Variants in PCDHGA2 observed in about 807,000 individuals in gnomAD.
The protein encoded by PCDHGA2 is protocadherin gamma-A2.
In PCDHGA2, 40 loss-of-function variants were observed where a neutral mutation model predicts 59.2. The ratio of observed to expected loss-of-function variants is 0.68; its 90% CI spans 0.52 to 0.88. The LOEUF is 0.88. Among genes scored for constraint, PCDHGA2 ranks in the 40% least tolerant of loss-of-function variants. The pLI, the probability that PCDHGA2 is intolerant of heterozygous loss-of-function variation, is 0.00. For synonymous variants in PCDHGA2, 560 were observed against 526.0 expected, an observed-to-expected ratio of 1.06 and a Z score of -0.89; for missense variants, 1,226 against 1,204.0, an observed-to-expected ratio of 1.02 and a Z score of -0.27.
chr5:141,494,712 C>T, intron 1 of PCDHGA2, 95 bp from the exon 2 acceptor site: 1 of 1,603,048 alleles, frequency 6.2e-7, no homozygotes, highest in Non-Finnish European at 8.5e-7. Context: ...TCTGTGCCCA[C>T]TCCCCTCCTT....
At chr5:141,355,261 G>A (rs748036295) in intron 1 of PCDHGA2, 4 of 1,613,564 alleles carry the variant, frequency 2.5e-6, no homozygotes, top group Non-Finnish European at 3.4e-6. Context: ...CCTTCTCCTG[G>A]GGGTTCTGGT....
rs971610218 is a variant in PCDHGA2, at chr5:141,400,979, C to T, written c.2424+59584C>T. Among the ~76,000 whole-genome samples, 10 of 152,258 alleles carry T rather than the reference C, an allele frequency of 6.6e-5. No individual in the cohort carries two copies. The East Asian group carries it at 9.6e-4, about 15-fold the overall frequency. ...GTAGTTTTCATCTCTTTCTTATGTT[C>T]CTCATATATGCTTTCTTATTCCTAC... On this transcript the variant is annotated intron_variant, in intron 1 of 3. Transcript: ENST00000394576.
chr5:141,364,281 A>T, intron 1 of PCDHGA2: 2 of 1,516,544 alleles, frequency 1.3e-6, no homozygotes, highest in South Asian at 2.7e-5. Context: ...ATAAATAAGG[A>T]AACAGCAGGC....
At chr5:141,374,898 G>T in intron 1 of PCDHGA2, 3 of 1,613,794 alleles carry the variant, frequency 1.9e-6, no homozygotes, top group Non-Finnish European at 2.5e-6. Context: ...CAGGATGAAG[G>T]AGTCCACGGG....
chr5:141,353,282 T>G (rs1759236412), intron 1 of PCDHGA2, among the ~76,000 whole-genome samples: 1 of 152,194 alleles, frequency 6.6e-6, no homozygotes. Flanking sequence ...TTCAAGTCAT[T>G]TTATTCTTAG....
chr5:141,352,097 T>G (rs761063437), intron 1 of PCDHGA2: 2 of 1,605,974 alleles, frequency 1.2e-6, no homozygotes, highest in Admixed American at 1.7e-5. Flanking sequence ...GCCCGGGCTC[T>G]TCAGCCTGGG....
chr5:141,507,287 C>G (rs79707942), intron 3 of PCDHGA2: 1 of 148,974 alleles, frequency 6.7e-6, no homozygotes, highest in East Asian at 1.9e-4. Context: ...AAGTCAGTCT[C>G]AAATGTTGCA....
At chr5:141,356,062 A>C in intron 1 of PCDHGA2, 1 of 1,613,922 alleles carries the variant, frequency 6.2e-7, no homozygotes, top group Non-Finnish European at 8.5e-7. Flanking sequence ...AAGAGACAAA[A>C]TATCACAGCT....
intron 1 of PCDHGA2, chr5:141,418,120 G>A: frequency 6.2e-7 from 1 of 1,614,084 alleles, no homozygotes; most frequent in Non-Finnish European, 8.5e-7. Context: ...TACTTGTGAA[G>A]GACCGAATAG....
intron 2 of PCDHGA2, 99 bp downstream of exon 2, chr5:141,494,964 G>A (rs2099757882): frequency 1.3e-6 from 2 of 1,594,380 alleles, no homozygotes; most frequent in Non-Finnish European, 8.5e-7. Context: ...GCTACAGATG[G>A]CTTCTCCCTC....
chr5:141,510,802 C>T (rs1358684730), intron 3 of PCDHGA2, 145 bp from the exon 4 acceptor site: 1 of 1,497,192 alleles, frequency 6.7e-7, no homozygotes, highest in African/African-American at 1.4e-5. Context: ...AGAGAGACTA[C>T]CTTGGTGACC....
At chr5:141,434,193 T>C (rs2097677103) in intron 1 of PCDHGA2, among the ~76,000 whole-genome samples, 1 of 152,246 alleles carries the variant, frequency 6.6e-6, no homozygotes, top group Non-Finnish European at 1.5e-5. Flanking sequence ...GTAATTCCAA[T>C]GTACTTACTT....
chr5:141,414,067 C>G (rs998058224), intron 1 of PCDHGA2: 1 of 1,607,570 alleles, frequency 6.2e-7, no homozygotes, highest in Non-Finnish European at 8.5e-7. Flanking sequence ...GAAGTTCCAA[C>G]TAAACAAATA....
Position 141,485,844 on chromosome 5 carries a change from G to T in PCDHGA2, c.2425-8963G>T. On this transcript the variant is annotated intron_variant, in intron 1 of 3. Transcript: ENST00000394576. This position sits in a 1 kb window ranked among gnomAD's most constrained non-coding sequence, Gnocchi z 5.7. ...GATGGAGGGAACCCGCCGAGATCTG[G>T]CACCGCAGAGCTCCGGGTATCCGTG... The T allele has an allele frequency of 1.9e-6, 3 of 1,613,890 alleles. 1 individual carries two copies. The South Asian group carries it at 3.3e-5, about 18-fold the overall frequency.
chr5:141,410,086 G>A (rs759204005), intron 1 of PCDHGA2: 3 of 1,612,588 alleles, frequency 1.9e-6, no homozygotes, highest in Non-Finnish European at 2.5e-6. Flanking sequence ...AGGTGCGCAC[G>A]GCTCGAGCCT....
chr5:141,476,054 A>T lies in PCDHGA2; in HGVS notation c.2425-18753A>T. The T allele has an allele frequency of 3.3e-6, 5 of 1,504,982 alleles. No homozygotes were observed. The highest frequency in any genetic ancestry group is 4.4e-6 in the Non-Finnish European group (5 of 1,134,040). 93.2% of individuals were successfully genotyped at this position (1,504,982 alleles called of 1,614,324 possible). A position where few individuals can be genotyped will look rare whatever the true frequency, so the allele number is the denominator to read the frequency against. ...AGCGCCCAAGCGCTAACCCGCTGAA[A>T]GTTTCTCAGCGAAATCTCAGGGACG... On this transcript the variant is annotated intron_variant, in intron 1 of 3. Coordinates refer to ENST00000394576, the MANE Select transcript of PCDHGA2 (RefSeq NM_018915.4). The surrounding 1 kb of genome is among the most constrained non-coding windows in gnomAD (Gnocchi z 7.6).
rs765743251 is a variant in PCDHGA2 at position 141,476,488 on chromosome 5, G to A, written c.2425-18319G>A. ...TGGAGCTGTTCAGCGTGGAAGTGGTGATCCAGGACATCAACGACAACAATC... is the reference window on the plus strand; with the variant it reads ...TGGAGCTGTTCAGCGTGGAAGTGGTAATCCAGGACATCAACGACAACAATC... On this transcript the variant is annotated intron_variant, in intron 1 of 3. Coordinates refer to ENST00000394576, the MANE Select transcript of PCDHGA2 (RefSeq NM_018915.4). This position sits in a 1 kb window ranked among gnomAD's most constrained non-coding sequence, Gnocchi z 7.6. 4 of 1,613,932 alleles carry A rather than the reference G, an allele frequency of 2.5e-6. No homozygotes were observed. Among genetic ancestry groups the A allele is most frequent in the Non-Finnish European group, 3.4e-6 (4 of 1,180,016 alleles).
At chr5:141,410,846 TGTC>T (rs1025068052) in intron 1 of PCDHGA2, 5 of 423,660 alleles carry the variant, frequency 1.2e-5, no homozygotes, top group South Asian at 4.0e-5. Flanking sequence ...ATTTTGTCTT[TGTC>T]TTTTTTTTTT....
chr5:141,412,967 A>G, intron 1 of PCDHGA2: 1 of 520,650 alleles, frequency 1.9e-6, no homozygotes, highest in Non-Finnish European at 3.3e-6. Context: ...CTACTAGGAG[A>G]GAAAACGCAG....
Sources: gnomAD v4.1 joint callset for allele counts (sites outside exome capture counted in the v4.1 genomes callset) on GRCh38, gnomAD v4.1.1 for gene constraint, Gnocchi (gnomAD v3.1) non-coding constraint, MANE v1.5 for transcripts, NCBI Gene and HGNC (gene_info 2026-07-23, HGNC 2026-07-21) for gene names.